The following STAC3 variants were observed in gnomAD, a reference collection of about 807,000 sequenced individuals.
STAC3 encodes the protein SH3 and cysteine-rich domain-containing protein 3.
Under a neutral mutation model 48.5 loss-of-function variants are expected in STAC3, and 30 were observed. The ratio of observed to expected loss-of-function variants is 0.62; its 90% CI spans 0.46 to 0.84. The LOEUF (loss-of-function observed/expected upper bound fraction) is 0.84, where lower values mean the gene tolerates loss of function less well. Among genes scored for constraint, STAC3 ranks in the 40% least tolerant of loss-of-function variants. STAC3 has a pLI of 0.00. For synonymous variants in STAC3, 144 were observed against 158.6 expected, an observed-to-expected ratio of 0.91 and a Z score of 0.69; for missense variants, 419 against 462.6, an observed-to-expected ratio of 0.91 and a Z score of 0.86.
rs756590073 is a variant in STAC3, at chr12:57,243,912, TAGA to T, written c.997-5_997-3del. 7 of 1,613,646 alleles carry T rather than the reference TAGA, an allele frequency of 4.3e-6. No homozygotes were observed. The East Asian group carries it at 1.3e-4, about 31-fold the overall frequency. ...TTCGTCTCCTTTCTGCACCACGATC[TAGA>T]AGATTAAAGGATCAGAAGTAGGAGA... is the stretch of plus-strand genomic sequence containing the variant. On this transcript the variant is annotated splice_polypyrimidine_tract_variant and splice_region_variant and intron_variant, in intron 11 of 11. Coordinates refer to ENST00000332782, the MANE Select transcript of STAC3 (RefSeq NM_145064.3).
intron 6 of STAC3, among the ~76,000 whole-genome samples, chr12:57,246,103 C>CT (rs1329307145): frequency 1.9e-5 from 2 of 104,010 alleles, no homozygotes; most frequent in Non-Finnish European, 3.6e-5. Context: ...GAGCGAAACT[C>CT]TATCTCAAAA....
intron 3 of STAC3, 29 bp downstream of exon 3, chr12:57,249,012 T>C (rs763778696): frequency 6.4e-6 from 10 of 1,569,084 alleles, no homozygotes; most frequent in Middle Eastern, 3.4e-4. Flanking sequence ...TTCAATATCA[T>C]ACTCTCTTCA....
chr12:57,243,586 C>G lies in STAC3; in HGVS notation c.*226G>C, dbSNP rs1322338311. On this transcript the variant is annotated 3_prime_UTR_variant, in exon 12 of 12. Transcript: ENST00000332782. ...TTTTTTCCAGCTCTTGCAAGCGGGGCCTGAAAGGTTTCGGGTCCGGGCTGC... is the reference window on the plus strand; with the variant it reads ...TTTTTTCCAGCTCTTGCAAGCGGGGGCTGAAAGGTTTCGGGTCCGGGCTGC... 1 of 483,084 alleles carries G rather than the reference C, an allele frequency of 2.1e-6. No individual in the cohort carries two copies. The highest frequency in any genetic ancestry group is 4.0e-6 in the Non-Finnish European group (1 of 247,294). 29.9% of individuals were successfully genotyped at this position (483,084 alleles called of 1,614,324 possible). A position where few individuals can be genotyped will look rare whatever the true frequency, so the allele number is the denominator to read the frequency against.
rs1592242685 is a variant in STAC3, at chr12:57,244,190, T to C, written c.894A>G (p.Pro298=). ...CAGCCCGGACCCGAATGATGAAGTT[T>C]GGAGGGAAAAATCCGACCTTCTCCC... The part of the protein sequence containing the change: ...KIGEKVGFFP[P]NFIIRVRAGE... Residue 298 remains proline (P), a synonymous_variant, in exon 11 of 12, where the codon CCA becomes CCG. Coordinates refer to ENST00000332782, the MANE Select transcript of STAC3 (RefSeq NM_145064.3). 6.2e-7 allele frequency: 1 copy of C among 1,614,120 alleles called. No individual in the cohort carries two copies. Among genetic ancestry groups the C allele is most frequent in the Non-Finnish European group, 8.5e-7 (1 of 1,180,028 alleles).
rs767466865 is a variant in STAC3, at chr12:57,244,970, G to A, written c.671-5C>T. 8 of 1,613,888 alleles carry A rather than the reference G, an allele frequency of 5.0e-6. No homozygotes were observed. In the East Asian group the frequency reaches 1.1e-4, roughly 22 times the overall value. ...TCTTATCCCCTTCAGGGTTTCCTGG[G>A]ATAGGAAACACCAACAAATTGTCTG... is the stretch of plus-strand genomic sequence containing the variant. On this transcript the variant is annotated splice_polypyrimidine_tract_variant and splice_region_variant and intron_variant, in intron 7 of 11. Transcript: ENST00000332782.
chr12:57,247,419 A>ATTTTTTTTTTTTT lies in STAC3; in HGVS notation c.506-519_506-518insAAAAAAAAAAAAA, dbSNP rs1360362639. Among the ~76,000 whole-genome samples, 19 of 88,658 alleles carry ATTTTTTTTTTTTT rather than the reference A, an allele frequency of 2.1e-4. 1 individual carries two copies. The highest frequency in any genetic ancestry group is 8.3e-4 in the African/African-American group (17 of 20,528). 58.2% of individuals were successfully genotyped at this position (88,658 alleles called of 152,430 possible). On this transcript the variant is annotated intron_variant, in intron 5 of 11. Transcript: ENST00000332782. ...GGGTTGCCAAATTATTATTATTATT[A>ATTTTTTTTTTTTT]TTATTATTATTTTTTTTTTTTTTTT...
rs1218483190 is a variant in STAC3, at chr12:57,249,120, G to C, written c.255C>G (p.Val85=). Residue 85 remains valine (V), a synonymous_variant, in exon 3 of 12, where the codon GTC becomes GTG. Transcript: ENST00000332782. ...CTTTGAATTTGTGGGGCTTATCGTT[G>C]ACCAGCTTAGGAGGTTCTGGGGGTG... The part of the protein sequence containing the change: ...EEPPPEPPKL[V]NDKPHKFKDH... 1.1e-5 allele frequency: 18 copies of C among 1,613,478 alleles called. No homozygotes were observed. Among genetic ancestry groups the C allele is most frequent in the Non-Finnish European group, 1.4e-5 (17 of 1,179,812 alleles).
At chr12:57,246,109 CA>C (rs71084732) in intron 6 of STAC3, among the ~76,000 whole-genome samples, 20,198 of 80,694 alleles carry the variant, frequency 0.25, 1,118 homozygotes, top group South Asian at 0.4. Context: ...AACTCTATCT[CA>C]AAAAAAAAAA....
Position 57,246,860 on chromosome 12 carries a change from T to C in STAC3, c.547A>G (p.Thr183Ala), listed in dbSNP as rs775144067. The C allele has an allele frequency of 2.5e-6, 4 of 1,613,822 alleles. No individual in the cohort carries two copies. The highest frequency in any genetic ancestry group is 2.5e-6 in the Non-Finnish European group (3 of 1,179,908). Residue 183 changes from threonine (T) to alanine (A), a missense_variant, in exon 6 of 12, where the codon ACT (threonine) becomes GCT (alanine). Physicochemically the swap from Thr to Ala is moderately conservative, Grantham distance 58. Coordinates refer to ENST00000332782, the MANE Select transcript of STAC3 (RefSeq NM_145064.3). Reference sequence around the variant, plus strand: ...TCCTTGTTTGCCATGATCACCCCAGTGCGCAGGGTTTCAAACACAGGATCA... The same window carrying C: ...TCCTTGTTTGCCATGATCACCCCAGCGCGCAGGGTTTCAAACACAGGATCA... Reference protein sequence around the residue: ...RNDPVFETLRTGVIMANKERK... With the variant: ...RNDPVFETLRAGVIMANKERK...
chr12:57,244,643 T>C (rs750154040), intron 8 of STAC3, 21 bp from the exon 9 acceptor site: 13 of 1,613,764 alleles, frequency 8.1e-6, no homozygotes, highest in Admixed American at 5.0e-5. Context: ...AAGGGAATGA[T>C]GAGTCTTAGG....
In STAC3 at chr12:57,243,800, G is replaced by T. The variant is rs778400522; in HGVS notation, c.*12C>A. The T allele has an allele frequency of 6.2e-7, 1 of 1,612,946 alleles. No homozygotes were observed. The highest frequency in any genetic ancestry group is 1.3e-5 in the African/African-American group (1 of 74,912). ...GGGTGTGGGTGTCTCCCGCTTGCAG[G>T]CGCCCGCACGCCTAAATTTCCTCTA... is the stretch of plus-strand genomic sequence containing the variant. On this transcript the variant is annotated 3_prime_UTR_variant, in exon 12 of 12. Coordinates refer to ENST00000332782, the MANE Select transcript of STAC3 (RefSeq NM_145064.3).
At chr12:57,244,695 G>A (rs1179982594) in intron 8 of STAC3, 73 bp from the exon 9 acceptor site, 3 of 1,549,566 alleles carry the variant, frequency 1.9e-6, no homozygotes, top group African/African-American at 1.4e-5. Context: ...CCAAGGCAGG[G>A]ACATTCACCA....
chr12:57,246,653 TG>T, intron 6 of STAC3, 150 bp downstream of exon 6: 1 of 665,376 alleles, frequency 1.5e-6, no homozygotes, highest in Non-Finnish European at 2.6e-6. Context: ...CCCAAAGTGC[TG>T]GGATTACAGG....
chr12:57,248,004 G>A (rs1592247045), intron 5 of STAC3, 122 bp downstream of exon 5: 2 of 901,050 alleles, frequency 2.2e-6, no homozygotes, highest in Admixed American at 3.5e-5. Flanking sequence ...AAAATGTGAG[G>A]TTGAGGGAGA....
intron 11 of STAC3, 67 bp downstream of exon 11, chr12:57,244,021 G>A (rs529483010): frequency 2.5e-5 from 40 of 1,611,550 alleles, no homozygotes; most frequent in Non-Finnish European, 3.3e-5. Flanking sequence ...TAATGGTTAA[G>A]CTCTCCAAGG....
rs1185130762 is a variant in STAC3, at chr12:57,249,147, C to T, written c.228G>A (p.Glu76=). The T allele has an allele frequency of 6.2e-7, 1 of 1,612,178 alleles. No homozygotes were observed. The highest frequency in any genetic ancestry group is 8.5e-7 in the Non-Finnish European group (1 of 1,179,146). The change falls in exon 3 of 12, where the codon GAG becomes GAA. Residue 76 remains glutamate (E), a synonymous_variant. Transcript: ENST00000332782. ...EEEEEEEEEE[E]PPPEPPKLVN... Reference sequence around the variant, plus strand: ...CCAGCTTAGGAGGTTCTGGGGGTGGCTCCTCCTCCTCCTCTTCTTCCTCTT... The same window carrying T: ...CCAGCTTAGGAGGTTCTGGGGGTGGTTCCTCCTCCTCCTCTTCTTCCTCTT...
chr12:57,250,389 CAAAAAAAAAAAAA>C (rs58777318), intron 1 of STAC3, among the ~76,000 whole-genome samples: 3 of 42,390 alleles, frequency 7.1e-5, no homozygotes, highest in African/African-American at 1.9e-4. Flanking sequence ...GACTTCGTCT[CAAAAAAAAAAAAA>C]AAAAAAAAAA....
At chr12:57,250,122 G>T (rs1339937639) in intron 1 of STAC3, among the ~76,000 whole-genome samples, 1 of 152,124 alleles carries the variant, frequency 6.6e-6, no homozygotes, top group East Asian at 1.9e-4. Flanking sequence ...GGGTGTGGTG[G>T]TGCATGCCTG....
In STAC3 at chr12:57,248,698, C is replaced by T. The variant is rs1463072725; in HGVS notation, c.432+8G>A. On this transcript the variant is annotated splice_region_variant and intron_variant, in intron 4 of 11. Coordinates refer to ENST00000332782, the MANE Select transcript of STAC3 (RefSeq NM_145064.3). ...ATGTCCCCTCCTTGCTCTCCACAGC[C>T]TACTCACGATCTTGCCGAAGCATCT... The T allele has an allele frequency of 9.9e-6, 16 of 1,610,894 alleles. No homozygotes were observed. The highest frequency in any genetic ancestry group is 1.3e-5 in the Non-Finnish European group (15 of 1,178,446).
Sources: gnomAD v4.1 joint callset for allele counts (sites outside exome capture counted in the v4.1 genomes callset) on GRCh38, gnomAD v4.1.1 for gene constraint, MANE v1.5 for transcripts, NCBI Gene and HGNC (gene_info 2026-07-23, HGNC 2026-07-21) for gene names.